LRRC4C: variants seen among roughly 807,000 people sequenced by gnomAD.
LRRC4C encodes the protein leucine rich repeat containing 4C.
In LRRC4C, 5 loss-of-function variants were observed where a neutral mutation model predicts 33.6. That is an observed-to-expected ratio of 0.15 (90% confidence interval 0.08 to 0.31). The LOEUF (loss-of-function observed/expected upper bound fraction) is 0.31, where lower values mean the gene tolerates loss of function less well. Among genes scored for constraint, LRRC4C ranks in the 10% least tolerant of loss-of-function variants. The pLI, the probability that LRRC4C is intolerant of heterozygous loss-of-function variation, is 1.00. For synonymous variants in LRRC4C, 329 were observed against 302.0 expected (o/e 1.09, Z -0.93); for missense variants, 560 against 796.7 (o/e 0.70, Z 3.58).
chr11:40,203,879 G>A lies in LRRC4C; in HGVS notation c.-96+37640C>T, dbSNP rs371594758. 7.6e-4 allele frequency among the ~76,000 whole-genome samples: 116 copies of A among 152,280 alleles called. No homozygotes were observed. The South Asian group carries it at 0.024, about 31-fold the overall frequency. On this transcript the variant is annotated intron_variant, in intron 5 of 6. Transcript: ENST00000528697. ...CCATTTCCTGATCTTTTTAGCTAAA[G>A]TGCAGACACAGGAAATCTGAGATCT...
At chr11:40,775,787 T>C (rs1056080820) in intron 2 of LRRC4C, among the ~76,000 whole-genome samples, 1 of 152,230 alleles carries the variant, frequency 6.6e-6, no homozygotes, top group Admixed American at 6.5e-5. Flanking sequence ...TGTCTGATTG[T>C]TCTTGCTTGG....
intron 3 of LRRC4C, among the ~76,000 whole-genome samples, chr11:40,573,335 T>C (rs1958056743): frequency 6.6e-6 from 1 of 152,202 alleles, no homozygotes; most frequent in Non-Finnish European, 1.5e-5. Context: ...TATCTTCTCT[T>C]AATTGGTTTA....
chr11:41,330,305 A>C (rs1951251790), intron 1 of LRRC4C, among the ~76,000 whole-genome samples: 1 of 152,026 alleles, frequency 6.6e-6, no homozygotes, highest in East Asian at 1.9e-4. Context: ...TGTTGTGAGC[A>C]CTATTTTGTT....
At chr11:41,389,519 A>G (rs1416000139) in intron 1 of LRRC4C, among the ~76,000 whole-genome samples, 6 of 151,464 alleles carry the variant, frequency 4.0e-5, no homozygotes, top group Non-Finnish European at 5.9e-5. Context: ...GCTTGAGGGG[A>G]AAGCAAGGGT....
chr11:40,574,944 G>C (rs1958127920), intron 3 of LRRC4C, among the ~76,000 whole-genome samples: 1 of 152,156 alleles, frequency 6.6e-6, no homozygotes, highest in African/African-American at 2.4e-5. Flanking sequence ...GATAGCCAGA[G>C]TGTTGTCTAA....
intron 6 of LRRC4C, among the ~76,000 whole-genome samples, chr11:40,119,210 A>G (rs1855649199): frequency 6.6e-6 from 1 of 152,210 alleles, no homozygotes; most frequent in Non-Finnish European, 1.5e-5. Flanking sequence ...AGCAATCCTT[A>G]AACATATACC....
chr11:40,407,054 T>C (rs751915758), intron 3 of LRRC4C, among the ~76,000 whole-genome samples: 2 of 152,146 alleles, frequency 1.3e-5, no homozygotes, highest in African/African-American at 2.4e-5. Context: ...TAGGTTTTCA[T>C]AGAAGCTTGA....
chr11:40,320,368 G>T lies in LRRC4C; in HGVS notation c.-269-647C>A, dbSNP rs190521129. Among the ~76,000 whole-genome samples the T allele has an allele frequency of 4.8e-3, 723 of 152,196 alleles. 2 individuals are homozygous for T. Among genetic ancestry groups the T allele is most frequent in the Non-Finnish European group, 7.2e-3 (489 of 68,000 alleles). Reference sequence around the variant, plus strand: ...AAAATACAAAAAATTAGCCAGGTATGGTGGTGGGCGCCTGTAGTCCCAGCT... The same window carrying T: ...AAAATACAAAAAATTAGCCAGGTATTGTGGTGGGCGCCTGTAGTCCCAGCT... On this transcript the variant is annotated intron_variant, in intron 3 of 6. Transcript: ENST00000528697.
At chr11:41,397,592 T>C (rs1953868975) in intron 1 of LRRC4C, among the ~76,000 whole-genome samples, 1 of 151,702 alleles carries the variant, frequency 6.6e-6, no homozygotes, top group Non-Finnish European at 1.5e-5. Flanking sequence ...GAGTCAAAAG[T>C]TATATGTGGA....
At chr11:40,589,446 G>A (rs911626494) in intron 3 of LRRC4C, among the ~76,000 whole-genome samples, 1 of 152,090 alleles carries the variant, frequency 6.6e-6, no homozygotes, top group African/African-American at 2.4e-5. Context: ...GGCAGTCTGT[G>A]TCTTTTAATT....
Position 40,481,936 on chromosome 11 carries a change from G to A in LRRC4C, c.-269-162215C>T, listed in dbSNP as rs964318677. ...ATCAGTTTCATCAATTTTATTATATGGGAATAATATTTACTACCTGGTAGG... is the reference window on the plus strand; with the variant it reads ...ATCAGTTTCATCAATTTTATTATATAGGAATAATATTTACTACCTGGTAGG... On this transcript the variant is annotated intron_variant, in intron 3 of 6. Coordinates refer to ENST00000528697, the MANE Select transcript of LRRC4C (RefSeq NM_001258419.2). Among the ~76,000 whole-genome samples, 5 of 152,206 alleles carry A rather than the reference G, an allele frequency of 3.3e-5. No homozygotes were observed. The East Asian group carries it at 9.7e-4, about 29-fold the overall frequency.
intron 1 of LRRC4C, among the ~76,000 whole-genome samples, chr11:41,001,863 A>ATT (rs5791412): frequency 1.4e-5 from 2 of 145,834 alleles, no homozygotes; most frequent in African/African-American, 2.5e-5. Flanking sequence ...GGTCTGTGAC[A>ATT]TTTTTTTTTT....
intron 3 of LRRC4C, among the ~76,000 whole-genome samples, chr11:40,523,346 C>T (rs1398739869): frequency 6.6e-6 from 1 of 151,606 alleles, no homozygotes; most frequent in Non-Finnish European, 1.5e-5. Context: ...TAAATGTCTA[C>T]TCAAGTCCTT....
At chr11:41,117,575 A>T (rs1053079069) in intron 1 of LRRC4C, among the ~76,000 whole-genome samples, 1 of 152,150 alleles carries the variant, frequency 6.6e-6, no homozygotes, top group Non-Finnish European at 1.5e-5. Flanking sequence ...TGATGTCATC[A>T]TTATTTTTAC....
chr11:40,732,083 C>T (rs1309576217), intron 2 of LRRC4C, among the ~76,000 whole-genome samples: 1 of 151,664 alleles, frequency 6.6e-6, no homozygotes, highest in African/African-American at 2.4e-5. Context: ...AGTTTAAATG[C>T]TTATTTTCAA....
At chr11:40,553,176 G>T (rs947135888) in intron 3 of LRRC4C, among the ~76,000 whole-genome samples, 2 of 152,118 alleles carry the variant, frequency 1.3e-5, no homozygotes, top group African/African-American at 4.8e-5. Flanking sequence ...GGAGGCTGAG[G>T]CAGGAGAATT....
chr11:40,369,135 T>G (rs937145678), intron 3 of LRRC4C, among the ~76,000 whole-genome samples: 1 of 151,088 alleles, frequency 6.6e-6, no homozygotes, highest in Non-Finnish European at 1.5e-5. Flanking sequence ...AGGTATACAG[T>G]GGACACAGTC....
intron 1 of LRRC4C, among the ~76,000 whole-genome samples, chr11:41,214,807 G>A (rs1256400255): frequency 6.9e-6 from 1 of 145,624 alleles, no homozygotes; most frequent in Non-Finnish European, 1.5e-5. Context: ...ATATATATGT[G>A]TGTGTGTATA....
At position 40,795,529 on chromosome 11, in the gene LRRC4C, C is replaced by CA. The variant is rs781714011; in HGVS notation, c.-407+138105dup. Among the ~76,000 whole-genome samples the CA allele has an allele frequency of 4.6e-5, 7 of 151,240 alleles. No homozygotes were observed. In the South Asian group the frequency reaches 6.3e-4, roughly 14 times the overall value. On this transcript the variant is annotated intron_variant, in intron 2 of 6. Transcript: ENST00000528697. ...TGGGCGACAGAGCGAGACTCCGTCTCAAAATAAATAAATAAATAAAATAAA... is the reference window on the plus strand; with the variant it reads ...TGGGCGACAGAGCGAGACTCCGTCTCAAAAATAAATAAATAAATAAAATAAA...
Sources: allele counts gnomAD v4.1 joint callset (sites outside exome capture counted in the v4.1 genomes callset), GRCh38; gene constraint gnomAD v4.1.1; transcripts MANE v1.5; gene names NCBI Gene and HGNC (gene_info 2026-07-23, HGNC 2026-07-21).